DHX58: variants seen among roughly 807,000 people sequenced by gnomAD.
The protein encoded by DHX58 is ATP-dependent RNA helicase DHX58.
DHX58 carries 51 observed loss-of-function variants against 65.0 expected under a neutral mutation model. The ratio of observed to expected loss-of-function variants is 0.78; its 90% CI spans 0.63 to 0.99. DHX58 has a LOEUF of 0.99. Ranked by LOEUF, DHX58 falls within the 50% of genes least tolerant of loss-of-function variation. The pLI is 0.00. For synonymous variants in DHX58, 350 were observed against 365.0 expected, an observed-to-expected ratio of 0.96 and a Z score of 0.47; for missense variants, 773 against 891.8, an observed-to-expected ratio of 0.87 and a Z score of 1.70.
At chr17:42,108,696 G>A (rs1248949048) in intron 6 of DHX58, among the ~76,000 whole-genome samples, 1 of 152,236 alleles carries the variant, frequency 6.6e-6, no homozygotes, top group Non-Finnish European at 1.5e-5. Flanking sequence ...CGGCCAGGGA[G>A]AGCAGCTGCA....
Position 42,105,860 on chromosome 17 carries a change from G to C in DHX58, c.1127C>G (p.Thr376Ser). Reference sequence around the variant, plus strand: ...CAGGAGGGAGTGTGCGCTTTGGCGGGTGCGGGTGAAGATGATACCCCGAGG... The same window carrying C: ...CAGGAGGGAGTGTGCGCTTTGGCGGCTGCGGGTGAAGATGATACCCCGAGG... The part of the protein sequence containing the change: ...NSPRGIIFTR[T>S]RQSAHSLLLW... The change falls in exon 9 of 14, where the codon ACC becomes AGC. Residue 376 changes from threonine (T) to serine (S), a missense_variant. Physicochemically the swap from Thr to Ser is moderately conservative, Grantham distance 58 (BLOSUM62 1). Transcript: ENST00000251642. The C allele has an allele frequency of 6.2e-7, 1 of 1,614,032 alleles. No individual in the cohort carries two copies. Among genetic ancestry groups the C allele is most frequent in the Non-Finnish European group, 8.5e-7 (1 of 1,180,026 alleles).
intron 9 of DHX58, 86 bp from the exon 10 acceptor site, chr17:42,105,253 T>C: frequency 6.9e-7 from 1 of 1,456,522 alleles, no homozygotes; most frequent in Non-Finnish European, 9.1e-7. Context: ...CCTCTTCTGG[T>C]TCAGCCCTCA....
At chr17:42,109,912 G>C (rs1407683174) in intron 5 of DHX58, among the ~76,000 whole-genome samples, 1 of 150,848 alleles carries the variant, frequency 6.6e-6, no homozygotes, top group East Asian at 2.0e-4. Flanking sequence ...AAGAGGCTGG[G>C]CACAGTGGCT....
chr17:42,107,815 G>C lies in DHX58; in HGVS notation c.806-20C>G. 6.4e-7 allele frequency: 1 copy of C among 1,553,768 alleles called. No individual in the cohort carries two copies. Among genetic ancestry groups the C allele is most frequent in the East Asian group, 2.4e-5 (1 of 42,254 alleles). ...AAGCCGCTGCGGGAAGAGGGCGCAG[G>C]GTCTGAGCAGCCCACAGCCCCGCCC... On this transcript the variant is annotated intron_variant, in intron 7 of 13. Transcript: ENST00000251642.
intron 4 of DHX58, among the ~76,000 whole-genome samples, 176 bp from the exon 5 acceptor site, chr17:42,111,089 C>A (rs956886913): frequency 1.3e-5 from 2 of 152,190 alleles, no homozygotes; most frequent in Non-Finnish European, 2.9e-5. Flanking sequence ...GATTAGTAAA[C>A]CGAGGCTCAG....
Position 42,104,855 on chromosome 17 carries a change from G to A in DHX58, c.1474C>T (p.Arg492Trp), listed in dbSNP as rs782371339. The change falls in exon 11 of 14, where the codon CGG becomes TGG. Residue 492 changes from arginine (R) to tryptophan (W), a missense_variant. Arg to Trp is a moderately radical substitution (Grantham distance 101). Transcript: ENST00000251642. Reference protein sequence around the residue: ...VATEGSRELKRELINEALETL... With the variant: ...VATEGSRELKWELINEALETL... Reference sequence around the variant, plus strand: ...TCCAGCGCCTCGTTGATCAGCTCCCGCTTCAGCTCCCGGCTACCTTCAGTT... The same window carrying A: ...TCCAGCGCCTCGTTGATCAGCTCCCACTTCAGCTCCCGGCTACCTTCAGTT... 9.9e-6 allele frequency: 16 copies of A among 1,614,014 alleles called. No homozygotes were observed. Among genetic ancestry groups the A allele is most frequent in the African/African-American group, 2.7e-5 (2 of 74,926 alleles).
chr17:42,107,595 G>T lies in DHX58; in HGVS notation c.997+9C>A. ...ATCCCCGGCCCCGAAGCCCCCTCCCGCCCCTCACCATCGAACAGGGCCAGC... is the reference window on the plus strand; with the variant it reads ...ATCCCCGGCCCCGAAGCCCCCTCCCTCCCCTCACCATCGAACAGGGCCAGC... On this transcript the variant is annotated intron_variant, in intron 8 of 13. Transcript: ENST00000251642. The T allele has an allele frequency of 1.5e-6, 1 of 676,790 alleles. No individual in the cohort carries two copies. The highest frequency in any genetic ancestry group is 1.7e-5 in the South Asian group (1 of 59,670). 41.9% of individuals were successfully genotyped at this position (676,790 alleles called of 1,614,324 possible). A position where few individuals can be genotyped will look rare whatever the true frequency, so the allele number is the denominator to read the frequency against.
Position 42,111,888 on chromosome 17 carries a change from T to A in DHX58, c.5A>T (p.Glu2Val), listed in dbSNP as rs980486119. Residue 2 changes from glutamate to valine, a missense_variant, in exon 3 of 14, where the codon GAG becomes GTG. Physicochemically the swap from Glu to Val is moderately radical, Grantham distance 121. Transcript: ENST00000251642. M[E>V]LRSYQWEVIM... ...CACCTCCCATTGGTAGGACCGAAGCTCCATTCTGGGAATGGCAGGGGACTC... is the reference window on the plus strand; with the variant it reads ...CACCTCCCATTGGTAGGACCGAAGCACCATTCTGGGAATGGCAGGGGACTC... 4 of 1,606,574 alleles carry A rather than the reference T, an allele frequency of 2.5e-6. No homozygotes were observed. The African/African-American group carries it at 4.0e-5, about 16-fold the overall frequency.
chr17:42,105,523 C>A (rs189543802), intron 9 of DHX58, among the ~76,000 whole-genome samples: 2 of 152,104 alleles, frequency 1.3e-5, no homozygotes, highest in East Asian at 3.9e-4. Flanking sequence ...CCTTCTGCCC[C>A]CAAGGACCTC....
chr17:42,105,684 T>C, intron 9 of DHX58, 52 bp downstream of exon 9: 1 of 1,512,754 alleles, frequency 6.6e-7, no homozygotes, highest in Admixed American at 2.2e-5. Flanking sequence ...TCCCCGCACT[T>C]CTCTCCTATG....
chr17:42,110,909 G>A lies in DHX58; in HGVS notation c.375C>T (p.Phe125=). The change falls in exon 5 of 14, where the codon TTC becomes TTT. Residue 125 remains phenylalanine, a synonymous_variant. Coordinates refer to ENST00000251642, the MANE Select transcript of DHX58 (RefSeq NM_024119.3). The part of the protein sequence containing the change: ...EEEEHVELTV[F]SLIVVDECHH... ...GGCACTCATCCACCACGATCAGGGA[G>A]AAGACTGAGGGCACAGGGGGGAAGG... 3 of 1,604,118 alleles carry A rather than the reference G, an allele frequency of 1.9e-6. No homozygotes were observed. Among genetic ancestry groups the A allele is most frequent in the Middle Eastern group, 1.7e-4 (1 of 6,030 alleles).
chr17:42,107,543 C>T (rs2054079781), intron 8 of DHX58, 61 bp downstream of exon 8: 1 of 1,472,740 alleles, frequency 6.8e-7, no homozygotes. Context: ...TGTGCCCTGG[C>T]CTCTGACCTC....
intron 8 of DHX58, among the ~76,000 whole-genome samples, chr17:42,107,181 G>A (rs782219974): frequency 1.3e-5 from 2 of 152,140 alleles, no homozygotes; most frequent in Non-Finnish European, 2.9e-5. Flanking sequence ...GGGCAACAAA[G>A]CAAGACTCCG....
Position 42,111,497 on chromosome 17 carries a change from C to T in DHX58, c.169G>A (p.Val57Met), listed in dbSNP as rs146441243. ...TCACCATGCTGGGTCACCAGGTGCA[C>T]CTGGGGGTGGAGAATGAGCTGGGAA... ...GAKVVVLVNR[V>M]HLVTQHGEEF... Residue 57 changes from valine to methionine, a missense_variant and splice_region_variant, in exon 4 of 14, where the codon GTG (valine) becomes ATG (methionine). Transcript: ENST00000251642. 9.9e-6 allele frequency: 16 copies of T among 1,613,580 alleles called. No homozygotes were observed. The highest frequency in any genetic ancestry group is 1.4e-5 in the Non-Finnish European group (16 of 1,179,892).
chr17:42,111,438 G>A lies in DHX58; in HGVS notation c.228C>T (p.Thr76=), dbSNP rs782353719. ...CCATGTCCCCACTCAGGGTTGTCACGGTCCAGCGTCCATCCAGCATGCGCC... is the reference window on the plus strand; with the variant it reads ...CCATGTCCCCACTCAGGGTTGTCACAGTCCAGCGTCCATCCAGCATGCGCC... ...EFRRMLDGRW[T]VTTLSGDMGP... is the part of the protein sequence containing the mutation. Residue 76 remains threonine, a synonymous_variant, in exon 4 of 14, where the codon ACC becomes ACT. Transcript: ENST00000251642. 42 of 1,614,056 alleles carry A rather than the reference G, an allele frequency of 2.6e-5. No homozygotes were observed. Among genetic ancestry groups the A allele is most frequent in the Non-Finnish European group, 3.2e-5 (38 of 1,180,038 alleles).
intron 7 of DHX58, 41 bp downstream of exon 7, chr17:42,107,941 T>A (rs940462130): frequency 6.3e-7 from 1 of 1,599,962 alleles, no homozygotes; most frequent in Non-Finnish European, 8.5e-7. Flanking sequence ...CCCTGACCAC[T>A]CCCACATCCT....
Position 42,101,842 on chromosome 17 carries a change from C to T in DHX58, c.1956G>A (p.Trp652Ter). The change falls in exon 14 of 14, where the codon TGG becomes TGA. Residue 652 changes from tryptophan to a stop codon, truncating the protein, a stop_gained. Coordinates refer to ENST00000251642, the MANE Select transcript of DHX58 (RefSeq NM_024119.3). LOFTEE classifies it high-confidence loss of function. ...TPQGRIQAKK[W>*]SRVPFSVPDF... ...CAGGCACGGAGAAGGGCACGCGGGA[C>T]CACTTTTTGGCCTGGATCCGCCCCT... is the stretch of plus-strand genomic sequence containing the variant. 6.2e-7 allele frequency: 1 copy of T among 1,614,246 alleles called. No individual in the cohort carries two copies. The highest frequency in any genetic ancestry group is 8.5e-7 in the Non-Finnish European group (1 of 1,180,052).
At chr17:42,112,574 T>TGGGGGGG (rs782778800) in intron 1 of DHX58, 31 bp downstream of exon 1, 1 of 76,782 alleles carries the variant, frequency 1.3e-5, no homozygotes, top group African/African-American at 4.7e-5. Flanking sequence ...AAGGTGGGGG[T>TGGGGGGG]GGGGGGGGGT....
chr17:42,103,925 T>A, intron 11 of DHX58, 127 bp from the exon 12 acceptor site: 1 of 1,048,020 alleles, frequency 9.5e-7, no homozygotes, highest in Non-Finnish European at 1.3e-6. Context: ...CCCTGGAGCT[T>A]AAAAGAAGCT....
Sources: allele counts gnomAD v4.1 joint callset (sites outside exome capture counted in the v4.1 genomes callset), GRCh38; gene constraint gnomAD v4.1.1; transcripts MANE v1.5; gene names NCBI Gene and HGNC (gene_info 2026-07-23, HGNC 2026-07-21).